Variants in PEX7 observed in about 807,000 individuals in gnomAD.
PEX7 encodes peroxisomal biogenesis factor 7.
In PEX7, 34 loss-of-function variants were observed where a neutral mutation model predicts 47.5. The ratio of observed to expected loss-of-function variants is 0.72; its 90% CI spans 0.54 to 0.95. PEX7 has a LOEUF of 0.95. Ranked by LOEUF, PEX7 falls within the 40% of genes least tolerant of loss-of-function variation. The pLI is 0.00. For synonymous variants in PEX7, 141 were observed against 148.8 expected (o/e 0.95, Z 0.38); for missense variants, 394 against 400.3 (o/e 0.98, Z 0.13).
At chr6:136,826,616 T>G (rs1334865923) in intron 3 of PEX7, 147 bp downstream of exon 3, 2 of 978,108 alleles carry the variant, frequency 2.0e-6, no homozygotes, top group Admixed American at 2.2e-5. Context: ...CACTTATTAT[T>G]TGATTATTCA....
chr6:136,905,750 T>A (rs1775835596), intron 9 of PEX7, among the ~76,000 whole-genome samples: 1 of 152,236 alleles, frequency 6.6e-6, no homozygotes, highest in African/African-American at 2.4e-5. Context: ...TATAATTCTA[T>A]GCTAGTGATA....
At chr6:136,890,351 C>T (rs992073843) in intron 8 of PEX7, among the ~76,000 whole-genome samples, 4 of 152,170 alleles carry the variant, frequency 2.6e-5, no homozygotes, top group Admixed American at 6.5e-5. Context: ...ATGGGGTCCC[C>T]CAGAGCCCAA....
rs550042836 is a variant in PEX7 at position 136,913,578 on chromosome 6, C to A, written c.*52C>A. ...GGATGTTGGCTGAAGAACTGCCTAA[C>A]AGCAAATAAATTAACTATGGAAAAC... On this transcript the variant is annotated 3_prime_UTR_variant, in exon 10 of 10. Transcript: ENST00000318471. 1.0e-4 allele frequency: 115 copies of A among 1,119,700 alleles called. 1 individual carries two copies. Among genetic ancestry groups the A allele is most frequent in the South Asian group, 8.5e-4 (69 of 81,268 alleles). The allele number at this position is 1,119,700 out of a possible 1,614,324, so 69.4% of individuals were successfully genotyped here.
At chr6:136,891,685 G>T (rs1276055038) in intron 8 of PEX7, among the ~76,000 whole-genome samples, 2 of 144,324 alleles carry the variant, frequency 1.4e-5, no homozygotes, top group Non-Finnish European at 1.5e-5. Flanking sequence ...GTCTCACTCT[G>T]TTGCTCAGGC....
chr6:136,822,774 G>C lies in PEX7; in HGVS notation c.109G>C (p.Ala37Pro). The change falls in exon 1 of 10, where the codon GCG becomes CCG. Residue 37 changes from alanine to proline, a missense_variant. Coordinates refer to ENST00000318471, the MANE Select transcript of PEX7 (RefSeq NM_000288.4). ...YLPGRLACATAQHYGIAGCGT... is the reference protein window; with the variant it reads ...YLPGRLACATPQHYGIAGCGT... ...GCCGGGCCGCCTGGCCTGCGCCACC[G>C]CGCAGCACTACGGCATCGCGGGTGA... The C allele has an allele frequency of 2.1e-6, 3 of 1,446,210 alleles. No homozygotes were observed. Among genetic ancestry groups the C allele is most frequent in the Non-Finnish European group, 2.7e-6 (3 of 1,105,296 alleles). 89.6% of individuals were successfully genotyped at this position (1,446,210 alleles called of 1,614,324 possible).
At chr6:136,833,910 G>C (rs1249672208) in intron 3 of PEX7, among the ~76,000 whole-genome samples, 3 of 152,192 alleles carry the variant, frequency 2.0e-5, no homozygotes, top group Non-Finnish European at 4.4e-5. Flanking sequence ...GCATGTGCCA[G>C]TCATTGAAGA....
intron 8 of PEX7, among the ~76,000 whole-genome samples, chr6:136,888,612 TTC>T (rs1775506911): frequency 2.6e-5 from 4 of 152,314 alleles, no homozygotes; most frequent in African/African-American, 9.6e-5. Context: ...ACTGAATTTA[TTC>T]TGTGTTAATA....
At chr6:136,899,632 G>C (rs544499859) in intron 9 of PEX7, among the ~76,000 whole-genome samples, 1 of 151,822 alleles carries the variant, frequency 6.6e-6, no homozygotes, top group East Asian at 1.9e-4. Context: ...CACCCTCCTC[G>C]GCCTCCCAAA....
chr6:136,905,340 ACCCCACTGTCCTGTC>A (rs1775828469), intron 9 of PEX7, among the ~76,000 whole-genome samples: 1 of 152,156 alleles, frequency 6.6e-6, no homozygotes, highest in East Asian at 1.9e-4. Flanking sequence ...TATGGGGCTT[ACCCCACTGTCCTGTC>A]ACACTATCAG....
chr6:136,905,339 T>C (rs1775828414), intron 9 of PEX7, among the ~76,000 whole-genome samples: 1 of 152,230 alleles, frequency 6.6e-6, no homozygotes, highest in African/African-American at 2.4e-5. Flanking sequence ...CTATGGGGCT[T>C]ACCCCACTGT....
intron 3 of PEX7, among the ~76,000 whole-genome samples, chr6:136,833,274 AC>A (rs1346340384): frequency 6.6e-6 from 1 of 152,188 alleles, no homozygotes; most frequent in Non-Finnish European, 1.5e-5. Flanking sequence ...GCATCAGATC[AC>A]ATGAAAACTC....
At chr6:136,854,315 G>A (rs985362165) in intron 5 of PEX7, among the ~76,000 whole-genome samples, 10 of 152,040 alleles carry the variant, frequency 6.6e-5, no homozygotes, top group African/African-American at 2.4e-4. Context: ...TCCTGCCTCA[G>A]CCTTCTGAGT....
intron 8 of PEX7, among the ~76,000 whole-genome samples, chr6:136,874,405 C>T (rs980440620): frequency 1.1e-4 from 16 of 152,144 alleles, no homozygotes; most frequent in Non-Finnish European, 1.5e-4. Context: ...GACACAGTGG[C>T]TCATGCCTGT....
intron 9 of PEX7, among the ~76,000 whole-genome samples, chr6:136,899,061 A>C (rs1403242088): frequency 6.7e-6 from 1 of 148,240 alleles, no homozygotes; most frequent in African/African-American, 2.5e-5. Context: ...TAAATATGTA[A>C]GTGTTTTTTT....
chr6:136,851,021 C>G (rs1774740086), intron 5 of PEX7, among the ~76,000 whole-genome samples: 1 of 69,518 alleles, frequency 1.4e-5, no homozygotes, highest in African/African-American at 5.6e-5. Flanking sequence ...TTATTATACT[C>G]TAAGTTTTAG....
In PEX7 at chr6:136,825,382, G is replaced by T. The variant is rs887017941; in HGVS notation, c.188+111G>T. On this transcript the variant is annotated intron_variant, in intron 2 of 9. Coordinates refer to ENST00000318471, the MANE Select transcript of PEX7 (RefSeq NM_000288.4). ...TAATATACAGTATAAAAGGAACCTT[G>T]GCGTTTGCATAGGATGAAGCTTATT... 4.5e-5 allele frequency: 41 copies of T among 903,602 alleles called. No individual in the cohort carries two copies. The African/African-American group carries it at 5.2e-4, about 11-fold the overall frequency. 56.0% of individuals were successfully genotyped at this position (903,602 alleles called of 1,614,324 possible). A position where few individuals can be genotyped will look rare whatever the true frequency, so the allele number is the denominator to read the frequency against.
At chr6:136,880,626 T>G (rs1008247520) in intron 8 of PEX7, among the ~76,000 whole-genome samples, 4 of 152,220 alleles carry the variant, frequency 2.6e-5, no homozygotes, top group African/African-American at 9.6e-5. Flanking sequence ...GTAGTTTTAT[T>G]TGTTCTCTTT....
At chr6:136,854,808 C>G (rs936134292) in intron 5 of PEX7, among the ~76,000 whole-genome samples, 3 of 152,104 alleles carry the variant, frequency 2.0e-5, no homozygotes, top group Admixed American at 6.6e-5. Context: ...GAACTGAGGC[C>G]AGGCATGGTG....
intron 5 of PEX7, among the ~76,000 whole-genome samples, chr6:136,850,026 T>A (rs556959450): frequency 6.6e-6 from 1 of 152,150 alleles, no homozygotes; most frequent in African/African-American, 2.4e-5. Context: ...GCTTTATGAA[T>A]CTGGGTGCTC....
Sources: gnomAD v4.1 joint callset for allele counts (sites outside exome capture counted in the v4.1 genomes callset) on GRCh38, gnomAD v4.1.1 for gene constraint, MANE v1.5 for transcripts, NCBI Gene and HGNC (gene_info 2026-07-23, HGNC 2026-07-21) for gene names.